Variants in EPHX2 observed in about 807,000 individuals in gnomAD.
The protein encoded by EPHX2 is bifunctional epoxide hydrolase 2.
In EPHX2, 74 loss-of-function variants were observed where a neutral mutation model predicts 78.7. The observed-to-expected ratio is 0.94, with a 90% CI of 0.78 to 1.14. The LOEUF is 1.14. Among genes scored for constraint, EPHX2 ranks in the 50% most tolerant of loss-of-function variants. EPHX2 has a pLI of 0.00. For synonymous variants in EPHX2, 251 were observed against 255.2 expected (o/e 0.98, Z 0.16); for missense variants, 715 against 702.5 (o/e 1.02, Z -0.20).
At chr8:27,530,331 G>T (rs76316583) in intron 12 of EPHX2, among the ~76,000 whole-genome samples, 2,156 of 152,266 alleles carry the variant, frequency 0.014, 51 homozygotes, top group African/African-American at 0.049. Context: ...ATTTAAAAAA[G>T]TCCTGTGTTG....
At chr8:27,536,944 C>A in intron 13 of EPHX2, 89 bp downstream of exon 13, 1 of 1,358,270 alleles carries the variant, frequency 7.4e-7, no homozygotes, top group East Asian at 2.3e-5. Context: ...CCAGGAGTAG[C>A]AATCTGGCCT....
chr8:27,539,429 G>A (rs188327219), intron 14 of EPHX2, among the ~76,000 whole-genome samples: 282 of 152,324 alleles, frequency 1.9e-3, no homozygotes, highest in Admixed American at 3.4e-3. Context: ...GAGGAAAACA[G>A]GTCTCAGAGG....
At chr8:27,538,465 G>A (rs1452813908) in intron 13 of EPHX2, among the ~76,000 whole-genome samples, 194 bp from the exon 14 acceptor site, 1 of 152,200 alleles carries the variant, frequency 6.6e-6, no homozygotes, top group Non-Finnish European at 1.5e-5. Flanking sequence ...ACTTCTGTGA[G>A]GGGGTCCCTG....
At chr8:27,512,661 A>G (rs941259683) in intron 6 of EPHX2, among the ~76,000 whole-genome samples, 2 of 152,172 alleles carry the variant, frequency 1.3e-5, no homozygotes, top group Non-Finnish European at 2.9e-5. Context: ...CATTGGCCTC[A>G]TTTAAATATG....
intron 2 of EPHX2, among the ~76,000 whole-genome samples, chr8:27,501,324 T>TTTCTCC (rs1813761926): frequency 1.9e-5 from 2 of 102,914 alleles, no homozygotes; most frequent in Non-Finnish European, 4.0e-5. Context: ...TGCTATATAT[T>TTTCTCC]TTCTTCTTCT....
chr8:27,513,546 T>A (rs560802916), intron 6 of EPHX2, among the ~76,000 whole-genome samples: 1 of 152,246 alleles, frequency 6.6e-6, no homozygotes, highest in Non-Finnish European at 1.5e-5. Flanking sequence ...TGGCAGTGAA[T>A]TTCTGGGGAG....
chr8:27,527,019 C>G (rs1267322435), intron 12 of EPHX2, among the ~76,000 whole-genome samples: 1 of 152,208 alleles, frequency 6.6e-6, no homozygotes, highest in East Asian at 1.9e-4. Context: ...CGGCTCACTG[C>G]AACCTCCGCC....
intron 9 of EPHX2, among the ~76,000 whole-genome samples, chr8:27,520,672 A>T (rs1171945339): frequency 6.6e-6 from 1 of 152,112 alleles, no homozygotes; most frequent in Non-Finnish European, 1.5e-5. Flanking sequence ...CAGGACTCCC[A>T]GACCCGTTGG....
At chr8:27,519,310 G>A (rs1461362087) in intron 9 of EPHX2, among the ~76,000 whole-genome samples, 1 of 152,244 alleles carries the variant, frequency 6.6e-6, no homozygotes, top group Non-Finnish European at 1.5e-5. Flanking sequence ...GCTGGTGCAA[G>A]CTTCAGTGGG....
At position 27,544,437 on chromosome 8, in the gene EPHX2, C is replaced by T; in HGVS notation, c.1590-7C>T. 4 of 1,613,994 alleles carry T rather than the reference C, an allele frequency of 2.5e-6. No individual in the cohort carries two copies. Among genetic ancestry groups the T allele is most frequent in the South Asian group, 1.1e-5 (1 of 91,070 alleles). Reference sequence around the variant, plus strand: ...ATTTTTTTCTTTTACTTCTCCCTTTCCCCCAGGCCAACCGAGGTGAATCAG... The same window carrying T: ...ATTTTTTTCTTTTACTTCTCCCTTTTCCCCAGGCCAACCGAGGTGAATCAG... On this transcript the variant is annotated splice_region_variant and splice_polypyrimidine_tract_variant and intron_variant, in intron 18 of 18. Coordinates refer to ENST00000521400, the MANE Select transcript of EPHX2 (RefSeq NM_001979.6).
In EPHX2 at chr8:27,536,852, T is replaced by C. The variant is rs1346313883; in HGVS notation, c.1239T>C (p.Asp413=). ...TCAAAAGCCTCTTCAGAGCAAGCGATGAGGTGAGGGGTGGGGATGGGTGCA... is the reference window on the plus strand; with the variant it reads ...TCAAAAGCCTCTTCAGAGCAAGCGACGAGGTGAGGGGTGGGGATGGGTGCA... The part of the protein sequence containing the change: ...RTFKSLFRAS[D]ESVLSMHKVC... The change falls in exon 13 of 19, where the codon GAT becomes GAC. Residue 413 remains aspartate (D), a synonymous_variant. Coordinates refer to ENST00000521400, the MANE Select transcript of EPHX2 (RefSeq NM_001979.6). 1.2e-6 allele frequency: 2 copies of C among 1,612,884 alleles called. No individual in the cohort carries two copies. Among genetic ancestry groups the C allele is most frequent in the Non-Finnish European group, 1.7e-6 (2 of 1,179,754 alleles).
intron 9 of EPHX2, among the ~76,000 whole-genome samples, chr8:27,520,440 G>A (rs143487936): frequency 0.013 from 2,004 of 151,980 alleles, 38 homozygotes; most frequent in African/African-American, 0.046. Context: ...TCTGCCTCCC[G>A]GGTTCAAGTG....
chr8:27,504,853 A>G, intron 3 of EPHX2, 103 bp from the exon 4 acceptor site: 1 of 1,224,928 alleles, frequency 8.2e-7, no homozygotes, highest in Non-Finnish European at 1.2e-6. Flanking sequence ...AATAAAAGTG[A>G]GCACAACCTG....
intron 12 of EPHX2, among the ~76,000 whole-genome samples, chr8:27,535,547 A>T (rs2132789334): frequency 6.6e-6 from 1 of 152,254 alleles, no homozygotes; most frequent in East Asian, 1.9e-4. Context: ...CTCCTAAACT[A>T]CGTCTGGAAC....
Position 27,520,772 on chromosome 8 carries a change from G to C in EPHX2, c.946-111G>C, listed in dbSNP as rs1334114068. 3.9e-6 allele frequency: 5 copies of C among 1,273,742 alleles called. No individual in the cohort carries two copies. The Admixed American group carries it at 8.4e-5, about 21-fold the overall frequency. 78.9% of individuals were successfully genotyped at this position (1,273,742 alleles called of 1,614,324 possible). A position where few individuals can be genotyped will look rare whatever the true frequency, so the allele number is the denominator to read the frequency against. On this transcript the variant is annotated intron_variant, in intron 9 of 18. Transcript: ENST00000521400. The stretch of plus-strand genomic sequence containing the variant: ...AACAGTCCCATTCTGAGGCCCTGGG[G>C]GTTAGGACTTCAACACAGCAGTTTT...
rs1040237589 is a variant in EPHX2, at chr8:27,501,270, A to G, written c.186+260A>G. ...ATTATTGACTTTTTATTTAATCCAT[A>G]AAAAAACCTCAGTAATATTGTTGGA... is the stretch of plus-strand genomic sequence containing the variant. On this transcript the variant is annotated intron_variant, in intron 2 of 18. Coordinates refer to ENST00000521400, the MANE Select transcript of EPHX2 (RefSeq NM_001979.6). 3.3e-5 allele frequency among the ~76,000 whole-genome samples: 5 copies of G among 152,120 alleles called. No individual in the cohort carries two copies. The East Asian group carries it at 9.6e-4, about 29-fold the overall frequency.
chr8:27,535,325 A>G (rs1815176656), intron 12 of EPHX2, among the ~76,000 whole-genome samples: 1 of 151,988 alleles, frequency 6.6e-6, no homozygotes, highest in Admixed American at 6.6e-5. Flanking sequence ...ATAGGCATGC[A>G]CCACCATGCC....
intron 1 of EPHX2, among the ~76,000 whole-genome samples, chr8:27,496,430 CAA>C (rs1377173095): frequency 5.9e-5 from 9 of 152,254 alleles, no homozygotes; most frequent in African/African-American, 2.2e-4. Flanking sequence ...TCCTCAAAGG[CAA>C]AGAGAACCTT....
At chr8:27,535,652 C>G (rs1339464823) in intron 12 of EPHX2, among the ~76,000 whole-genome samples, 1 of 152,230 alleles carries the variant, frequency 6.6e-6, no homozygotes, top group Admixed American at 6.5e-5. Flanking sequence ...CAGGCTACCC[C>G]CACTAGGAGA....
Sources: allele counts gnomAD v4.1 joint callset (sites outside exome capture counted in the v4.1 genomes callset), GRCh38; gene constraint gnomAD v4.1.1; transcripts MANE v1.5; gene names NCBI Gene and HGNC (gene_info 2026-07-23, HGNC 2026-07-21).